Variants in GABRB2 observed in about 807,000 individuals in gnomAD.
GABRB2 encodes the protein gamma-aminobutyric acid receptor subunit beta-2.
GABRB2 carries 16 observed loss-of-function variants against 54.7 expected under a neutral mutation model. The observed-to-expected ratio is 0.29, with a 90% CI of 0.20 to 0.44. The LOEUF is 0.44. Ranked by LOEUF, GABRB2 falls within the 20% of genes least tolerant of loss-of-function variation. The pLI is 1.00. For missense variants in GABRB2, 355 were observed against 644.0 expected (o/e 0.55, Z 4.86); for synonymous variants, 244 against 233.8 (o/e 1.04, Z -0.40).
intron 5 of GABRB2, among the ~76,000 whole-genome samples, chr5:161,390,190 C>A (rs1056154766): frequency 7.2e-5 from 11 of 151,990 alleles, no homozygotes; most frequent in Non-Finnish European, 2.9e-5. Context: ...CTCAGTGTAG[C>A]CCTGCTACTC....
At chr5:161,532,423 C>T (rs1760490095) in intron 3 of GABRB2, among the ~76,000 whole-genome samples, 1 of 152,066 alleles carries the variant, frequency 6.6e-6, no homozygotes, top group Admixed American at 6.6e-5. Flanking sequence ...ATTCCTAAAA[C>T]AGCGATCCTC....
At chr5:161,542,794 TAACCAATC>T (rs1760860878) in intron 3 of GABRB2, among the ~76,000 whole-genome samples, 1 of 152,174 alleles carries the variant, frequency 6.6e-6, no homozygotes, top group Non-Finnish European at 1.5e-5. Flanking sequence ...TTCATTTAAG[TAACCAATC>T]AACCATTCTT....
intron 4 of GABRB2, among the ~76,000 whole-genome samples, chr5:161,448,171 C>A (rs1757688315): frequency 6.6e-6 from 1 of 151,982 alleles, no homozygotes; most frequent in South Asian, 2.1e-4. Context: ...GCCTGTAATC[C>A]CAGCACTTTG....
chr5:161,410,388 TCTCA>T (rs1198282810), intron 5 of GABRB2, among the ~76,000 whole-genome samples: 603 of 149,732 alleles, frequency 4.0e-3, no homozygotes, highest in Middle Eastern at 6.9e-3. Context: ...TAAACAGAAT[TCTCA>T]CACACACACA....
chr5:161,354,541 C>G (rs573472893), intron 5 of GABRB2, among the ~76,000 whole-genome samples: 1 of 152,126 alleles, frequency 6.6e-6, no homozygotes, highest in African/African-American at 2.4e-5. Context: ...CAGCTGATAT[C>G]ACAGACCATG....
chr5:161,461,993 G>A (rs1581006193), intron 3 of GABRB2, among the ~76,000 whole-genome samples: 1 of 151,996 alleles, frequency 6.6e-6, no homozygotes, highest in African/African-American at 2.4e-5. Flanking sequence ...CATATTATCT[G>A]CTCTAACACC....
intron 3 of GABRB2, among the ~76,000 whole-genome samples, chr5:161,467,238 C>T (rs1758305158): frequency 6.6e-6 from 1 of 152,128 alleles, no homozygotes; most frequent in South Asian, 2.1e-4. Context: ...AGAGAAATCA[C>T]TCTCTCTGCT....
At chr5:161,388,164 T>C (rs962564379) in intron 5 of GABRB2, among the ~76,000 whole-genome samples, 3 of 152,114 alleles carry the variant, frequency 2.0e-5, no homozygotes, top group Non-Finnish European at 4.4e-5. Context: ...TCAATACATA[T>C]TCCTCTAAAG....
chr5:161,355,099 G>A (rs1369859379), intron 5 of GABRB2, among the ~76,000 whole-genome samples: 1 of 151,718 alleles, frequency 6.6e-6, no homozygotes, highest in East Asian at 1.9e-4. Flanking sequence ...CTTATACTAA[G>A]ATGTCACCCA....
chr5:161,336,517 G>A (rs1309099244), intron 6 of GABRB2, 115 bp downstream of exon 6: 16 of 1,224,894 alleles, frequency 1.3e-5, no homozygotes, highest in Non-Finnish European at 1.8e-5. Flanking sequence ...GTTTTCAGTG[G>A]ATTTGTCTTG....
At chr5:161,535,215 T>A (rs1760595384) in intron 3 of GABRB2, among the ~76,000 whole-genome samples, 1 of 152,178 alleles carries the variant, frequency 6.6e-6, no homozygotes, top group African/African-American at 2.4e-5. Context: ...TGGTTTAAAT[T>A]GTGCTCAAGA....
chr5:161,481,691 A>G (rs535287050), intron 3 of GABRB2, among the ~76,000 whole-genome samples: 58 of 152,164 alleles, frequency 3.8e-4, no homozygotes, highest in African/African-American at 1.3e-3. Flanking sequence ...TCCATTCAAG[A>G]AAATTTAATA....
At chr5:161,460,281 T>C (rs1292654841) in intron 3 of GABRB2, among the ~76,000 whole-genome samples, 1 of 152,092 alleles carries the variant, frequency 6.6e-6, no homozygotes, top group East Asian at 1.9e-4. Context: ...TGTGTGTGTG[T>C]GTGTGTGTGT....
At chr5:161,317,830 G>A in intron 9 of GABRB2, among the ~76,000 whole-genome samples, 1 of 151,790 alleles carries the variant, frequency 6.6e-6, no homozygotes, top group South Asian at 2.1e-4. Context: ...CAATTCACAG[G>A]GAAGCCAATT....
chr5:161,449,601 T>G (rs1757731297), intron 4 of GABRB2, among the ~76,000 whole-genome samples: 2 of 152,176 alleles, frequency 1.3e-5, no homozygotes, highest in Admixed American at 1.3e-4. Context: ...GAGAACAATC[T>G]GCATTATTTC....
intron 4 of GABRB2, among the ~76,000 whole-genome samples, chr5:161,437,300 C>T (rs1228838462): frequency 1.3e-5 from 2 of 151,898 alleles, no homozygotes; most frequent in African/African-American, 4.8e-5. Context: ...ATTATGAATA[C>T]CAGCCCAGCC....
At chr5:161,460,268 ATG>A (rs57673547) in intron 3 of GABRB2, among the ~76,000 whole-genome samples, 10,752 of 148,268 alleles carry the variant, frequency 0.073, 396 homozygotes, top group Middle Eastern at 0.1. Context: ...TTATATATAT[ATG>A]TGTGTGTGTG....
chr5:161,483,144 G>C (rs955592323), intron 3 of GABRB2, among the ~76,000 whole-genome samples: 5 of 151,990 alleles, frequency 3.3e-5, no homozygotes, highest in African/African-American at 1.2e-4. Flanking sequence ...GTAATGAGTA[G>C]GAACTAGTGG....
chr5:161,333,168 C>T (rs6556547), intron 7 of GABRB2, among the ~76,000 whole-genome samples: 25 of 151,842 alleles, frequency 1.6e-4, no homozygotes, highest in African/African-American at 5.1e-4. Context: ...TTCCTGTAAT[C>T]GATACAAAAA....
Sources: gnomAD v4.1 joint callset for allele counts (sites outside exome capture counted in the v4.1 genomes callset) on GRCh38, gnomAD v4.1.1 for gene constraint, MANE v1.5 for transcripts, NCBI Gene and HGNC (gene_info 2026-07-23, HGNC 2026-07-21) for gene names.